Variants in LMO7 observed in about 807,000 individuals in gnomAD.
LMO7 encodes LIM domain 7.
LMO7 carries 120 observed loss-of-function variants against 206.5 expected under a neutral mutation model. That is an observed-to-expected ratio of 0.58 (90% CI 0.50 to 0.68). The LOEUF (loss-of-function observed/expected upper bound fraction) is 0.68, where lower values mean the gene tolerates loss of function less well. Among genes scored for constraint, LMO7 ranks in the 30% least tolerant of loss-of-function variants. LMO7 has a pLI of 0.00. For synonymous variants in LMO7, 706 were observed against 681.5 expected (o/e 1.04, Z -0.56); for missense variants, 1,959 against 1,957.9 (o/e 1.00, Z -0.01).
At chr13:75,707,482 A>T (rs2042744834) in intron 1 of LMO7, among the ~76,000 whole-genome samples, 1 of 152,018 alleles carries the variant, frequency 6.6e-6, no homozygotes, top group African/African-American at 2.4e-5. Flanking sequence ...CATTCAGGTT[A>T]TTTGTAATTG....
At chr13:75,840,256 C>A in intron 21 of LMO7, 135 bp from the exon 22 acceptor site, 1 of 1,366,652 alleles carries the variant, frequency 7.3e-7, no homozygotes, top group Non-Finnish European at 1.0e-6. Context: ...TTTTAAAATT[C>A]AAAGCCAGCT....
At chr13:75,819,855 G>A (rs1453620372) in intron 13 of LMO7, among the ~76,000 whole-genome samples, 2 of 152,170 alleles carry the variant, frequency 1.3e-5, no homozygotes, top group East Asian at 1.9e-4. Flanking sequence ...TTACTCTTAA[G>A]TGAATTAAGG....
At chr13:75,792,444 A>G (rs2053441778) in intron 4 of LMO7, among the ~76,000 whole-genome samples, 1 of 152,228 alleles carries the variant, frequency 6.6e-6, no homozygotes, top group Non-Finnish European at 1.5e-5. Context: ...TAAACATGGT[A>G]TCAGACCATG....
At chr13:75,753,651 G>A (rs2047451027) in intron 3 of LMO7, among the ~76,000 whole-genome samples, 1 of 152,062 alleles carries the variant, frequency 6.6e-6, no homozygotes, top group Non-Finnish European at 1.5e-5. Flanking sequence ...AAGATCTGAT[G>A]GTTTTATAAG....
intron 1 of LMO7, among the ~76,000 whole-genome samples, chr13:75,663,451 G>A (rs1473186611): frequency 5.0e-4 from 6 of 12,078 alleles, no homozygotes; most frequent in African/African-American, 1.5e-3. Flanking sequence ...TTTTTTTTGA[G>A]ACGGAGCCTC....
upstream of LMO7, among the ~76,000 whole-genome samples, chr13:75,634,659 C>T (rs1478102709): frequency 1.3e-5 from 2 of 152,120 alleles, no homozygotes; most frequent in East Asian, 1.9e-4. Flanking sequence ...AGGAGAATGG[C>T]GTGGACCCGG....
In LMO7 at chr13:75,838,178, T is replaced by A. The variant is rs1457904296; in HGVS notation, c.3433T>A (p.Ser1145Thr). Reference protein sequence around the residue: ...SISLKNLKRRSQFFEQGSSDS... With the variant: ...SISLKNLKRRTQFFEQGSSDS... Reference sequence around the variant, plus strand: ...TTCTTTGAAAAACTTAAAAAGGCGATCACAATTTTTTGAACAAGGTAAACC... The same window carrying A: ...TTCTTTGAAAAACTTAAAAAGGCGAACACAATTTTTTGAACAAGGTAAACC... The change falls in exon 20 of 31, where the codon TCA (serine) becomes ACA (threonine). Residue 1145 changes from serine (S) to threonine (T), a missense_variant. Coordinates refer to ENST00000377534, the MANE Select transcript of LMO7 (RefSeq NM_001306080.2). 3.1e-6 allele frequency: 5 copies of A among 1,607,912 alleles called. No homozygotes were observed. In the South Asian group the frequency reaches 5.5e-5, roughly 18 times the overall value.
At chr13:75,658,832 T>G (rs1408489786) in intron 1 of LMO7, among the ~76,000 whole-genome samples, 1 of 152,062 alleles carries the variant, frequency 6.6e-6, no homozygotes, top group Non-Finnish European at 1.5e-5. Flanking sequence ...CTCATGATCC[T>G]CCTGCCTCAG....
chr13:75,675,483 C>T (rs1481520106), intron 1 of LMO7, among the ~76,000 whole-genome samples: 1 of 152,190 alleles, frequency 6.6e-6, no homozygotes, highest in Non-Finnish European at 1.5e-5. Context: ...ATAATATTTA[C>T]ATAAACTTGT....
At chr13:75,779,858 T>C (rs1201563189) in intron 4 of LMO7, among the ~76,000 whole-genome samples, 1 of 152,144 alleles carries the variant, frequency 6.6e-6, no homozygotes, top group Non-Finnish European at 1.5e-5. Flanking sequence ...TTCTTTTCTA[T>C]TTTCCCTAAG....
intron 4 of LMO7, among the ~76,000 whole-genome samples, chr13:75,794,613 C>T (rs922520243): frequency 2.0e-5 from 3 of 152,162 alleles, no homozygotes; most frequent in African/African-American, 7.2e-5. Context: ...CAGGCTTCTA[C>T]AAGTCTCTGA....
intron 1 of LMO7, among the ~76,000 whole-genome samples, chr13:75,702,981 T>C (rs1225717605): frequency 6.6e-6 from 1 of 152,220 alleles, no homozygotes; most frequent in African/African-American, 2.4e-5. Flanking sequence ...ATATAGTCTT[T>C]CAAAAAGTAT....
At chr13:75,659,875 GT>G (rs1272936008) in intron 1 of LMO7, among the ~76,000 whole-genome samples, 1 of 152,082 alleles carries the variant, frequency 6.6e-6, no homozygotes, top group Non-Finnish European at 1.5e-5. Flanking sequence ...TTGGGCCTTG[GT>G]TAGATCTGGA....
chr13:75,844,373 A>G (rs1206893016), intron 25 of LMO7, among the ~76,000 whole-genome samples: 1 of 150,374 alleles, frequency 6.7e-6, no homozygotes, highest in African/African-American at 2.4e-5. Flanking sequence ...TATATTATAT[A>G]TTGTCATTAC....
rs1391009565 is a variant in LMO7 at position 75,821,519 on chromosome 13, A to G, written c.2550A>G (p.Lys850=). ...VSASLPRSYR[K]TDTVRLTSVV... is the part of the protein sequence containing the mutation. Reference sequence around the variant, plus strand: ...CTTCTCTCCCCAGAAGTTACCGGAAAACTGATACAGTCAGGTTAACATCTG... The same window carrying G: ...CTTCTCTCCCCAGAAGTTACCGGAAGACTGATACAGTCAGGTTAACATCTG... Residue 850 remains lysine, a synonymous_variant, in exon 14 of 31, where the codon AAA becomes AAG. Transcript: ENST00000377534. 1 of 1,614,132 alleles carries G rather than the reference A, an allele frequency of 6.2e-7. No homozygotes were observed. The highest frequency in any genetic ancestry group is 8.5e-7 in the Non-Finnish European group (1 of 1,179,962).
At chr13:75,750,397 T>C (rs1185882802) in intron 3 of LMO7, among the ~76,000 whole-genome samples, 2 of 150,420 alleles carry the variant, frequency 1.3e-5, no homozygotes, top group East Asian at 3.9e-4. Flanking sequence ...TTTTTTTTTT[T>C]TTCCTTTTTG....
At chr13:75,662,541 A>G (rs1275030289) in intron 1 of LMO7, among the ~76,000 whole-genome samples, 1 of 152,188 alleles carries the variant, frequency 6.6e-6, no homozygotes, top group African/African-American at 2.4e-5. Context: ...CTGGTCTTGA[A>G]TGCCTGAGCT....
At chr13:75,799,365 A>G (rs1201145554) in intron 6 of LMO7, among the ~76,000 whole-genome samples, 1 of 152,220 alleles carries the variant, frequency 6.6e-6, no homozygotes, top group Non-Finnish European at 1.5e-5. Flanking sequence ...ACAATTTTCC[A>G]TACTGGCTTT....
chr13:75,683,733 T>C (rs993409049), intron 1 of LMO7, among the ~76,000 whole-genome samples: 3 of 152,182 alleles, frequency 2.0e-5, no homozygotes, highest in Non-Finnish European at 4.4e-5. Flanking sequence ...TTATATGTTT[T>C]AGGGAGATAT....
Sources: gnomAD v4.1 joint callset for allele counts (sites outside exome capture counted in the v4.1 genomes callset) on GRCh38, gnomAD v4.1.1 for gene constraint, MANE v1.5 for transcripts, NCBI Gene and HGNC (gene_info 2026-07-23, HGNC 2026-07-21) for gene names.